The following TMTC2 variants were observed in gnomAD, a reference collection of about 807,000 sequenced individuals.
TMTC2 encodes the protein transmembrane O-mannosyltransferase targeting cadherins 2.
A neutral mutation model predicts 82.4 loss-of-function variants in TMTC2; 43 were observed. That is an observed-to-expected ratio of 0.52 (90% CI 0.41 to 0.67). The LOEUF (loss-of-function observed/expected upper bound fraction) is 0.67. TMTC2 is among the 30% of genes least tolerant of loss of function. The pLI, the probability that TMTC2 is intolerant of heterozygous loss-of-function variation, is 0.00. For missense variants in TMTC2, 919 were observed against 1,012.4 expected, an observed-to-expected ratio of 0.91 and a Z score of 1.25; for synonymous variants, 408 against 381.9, an observed-to-expected ratio of 1.07 and a Z score of -0.80.
Position 83,030,842 on chromosome 12 carries a change from G to A in TMTC2, c.2115G>A (p.Glu705=), listed in dbSNP as rs1048748406. The part of the protein sequence containing the change: ...EAEKLFLKAI[E]LDPTKGNCYM... ...AAAAGCTCTTCTTGAAGGCTATTGA[G>A]CTGGATCCCACCAAAGGAAACTGTT... is the stretch of plus-strand genomic sequence containing the variant. Residue 705 remains glutamate, a synonymous_variant, in exon 9 of 12, where the codon GAG becomes GAA. Transcript: ENST00000321196. 1.2e-6 allele frequency: 2 copies of A among 1,613,710 alleles called. No individual in the cohort carries two copies. Among genetic ancestry groups the A allele is most frequent in the Admixed American group, 1.7e-5 (1 of 60,008 alleles).
In TMTC2 at chr12:83,100,896, C is replaced by A. The variant is rs1884195685; in HGVS notation, c.2332-31314C>A. The stretch of plus-strand genomic sequence containing the variant: ...AGCTTCTTTCAGAAAGTAAGCATGG[C>A]ACTAACAACACATCCTAAATGCTTC... On this transcript the variant is annotated intron_variant, in intron 11 of 11. Coordinates refer to ENST00000321196, the MANE Select transcript of TMTC2 (RefSeq NM_152588.3). 2.0e-5 allele frequency among the ~76,000 whole-genome samples: 3 copies of A among 152,138 alleles called. 1 individual carries two copies. The highest frequency in any genetic ancestry group is 4.1e-4 in the South Asian group (2 of 4,832).
intron 4 of TMTC2, among the ~76,000 whole-genome samples, chr12:82,962,392 G>A (rs2137297560): frequency 6.6e-6 from 1 of 152,052 alleles, no homozygotes; most frequent in South Asian, 2.1e-4. Context: ...AGATAAAAAG[G>A]GCTCTGACAG....
chr12:83,048,347 A>G (rs1426976035), intron 9 of TMTC2, among the ~76,000 whole-genome samples: 1 of 152,198 alleles, frequency 6.6e-6, no homozygotes, highest in African/African-American at 2.4e-5. Context: ...GAGTTAGCAT[A>G]TACAAGTATT....
intron 9 of TMTC2, among the ~76,000 whole-genome samples, chr12:83,047,365 A>G (rs539997729): frequency 1.3e-5 from 2 of 152,304 alleles, no homozygotes; most frequent in South Asian, 4.1e-4. Context: ...GTACAAACAC[A>G]AGTTCTATGT....
chr12:82,951,302 T>TC (rs1193256968), intron 4 of TMTC2, among the ~76,000 whole-genome samples: 1 of 151,544 alleles, frequency 6.6e-6, no homozygotes, highest in Non-Finnish European at 1.5e-5. Context: ...AATTTAACTT[T>TC]TTTTTTTGAA....
intron 11 of TMTC2, among the ~76,000 whole-genome samples, chr12:83,077,032 A>C (rs1274742721): frequency 6.6e-6 from 1 of 152,222 alleles, no homozygotes; most frequent in African/African-American, 2.4e-5. Context: ...AGATTTTATT[A>C]AAGACTGTTA....
At chr12:82,918,629 T>G (rs990985905) in intron 3 of TMTC2, among the ~76,000 whole-genome samples, 2 of 152,214 alleles carry the variant, frequency 1.3e-5, no homozygotes, top group African/African-American at 4.8e-5. Context: ...GAGGAGTGAT[T>G]ACTTATGCAG....
intron 1 of TMTC2, among the ~76,000 whole-genome samples, chr12:82,760,719 C>T (rs1876578829): frequency 6.6e-6 from 1 of 152,032 alleles, no homozygotes; most frequent in African/African-American, 2.4e-5. Flanking sequence ...GGTATTGCCC[C>T]CTGAGCTCCA....
At chr12:82,876,097 A>ATTG (rs566928741) in intron 2 of TMTC2, among the ~76,000 whole-genome samples, 4 of 113,294 alleles carry the variant, frequency 3.5e-5, no homozygotes, top group African/African-American at 1.6e-4. Context: ...AGTATTCATA[A>ATTG]TGGTGGTGGT....
At chr12:83,046,550 C>G (rs1447662350) in intron 9 of TMTC2, among the ~76,000 whole-genome samples, 1 of 152,116 alleles carries the variant, frequency 6.6e-6, no homozygotes, top group Non-Finnish European at 1.5e-5. Flanking sequence ...CTCCAAAGTG[C>G]CTGCCGTAAT....
chr12:82,979,051 T>A (rs931475818), intron 7 of TMTC2, among the ~76,000 whole-genome samples: 1 of 151,880 alleles, frequency 6.6e-6, no homozygotes. Context: ...TTTCCATCCC[T>A]TTATTTTCAG....
rs796173423 is a variant in TMTC2, at chr12:82,729,359, T to G, written c.83+41690T>G. On this transcript the variant is annotated intron_variant, in intron 1 of 11. Coordinates refer to ENST00000321196, the MANE Select transcript of TMTC2 (RefSeq NM_152588.3). ...TGTATCTAGCTACTCTGGTGGGGAC[T>G]TGGAGAACCTTTATGTCTAGCTAAG... Among the ~76,000 whole-genome samples, 8 of 152,274 alleles carry G rather than the reference T, an allele frequency of 5.3e-5. 1 individual carries two copies. Among genetic ancestry groups the G allele is most frequent in the African/African-American group, 1.9e-4 (8 of 41,562 alleles).
intron 4 of TMTC2, among the ~76,000 whole-genome samples, chr12:82,953,313 C>T (rs1877445043): frequency 1.3e-5 from 2 of 152,156 alleles, no homozygotes; most frequent in Admixed American, 1.3e-4. Context: ...TTACTTAATT[C>T]CTAAGCTCTT....
chr12:83,096,497 A>G (rs1179174597), intron 11 of TMTC2, among the ~76,000 whole-genome samples: 1 of 152,210 alleles, frequency 6.6e-6, no homozygotes, highest in African/African-American at 2.4e-5. Context: ...ATGGACAGTT[A>G]ATTTGGACAG....
intron 1 of TMTC2, among the ~76,000 whole-genome samples, chr12:82,750,849 A>G (rs1169086711): frequency 1.3e-5 from 2 of 152,110 alleles, no homozygotes; most frequent in Admixed American, 6.5e-5. Context: ...CTATTGCAGG[A>G]TAGGTGCTTA....
At chr12:82,727,945 C>T (rs745521606) in intron 1 of TMTC2, among the ~76,000 whole-genome samples, 1 of 151,786 alleles carries the variant, frequency 6.6e-6, no homozygotes, top group Non-Finnish European at 1.5e-5. Context: ...ATTTTGGTGT[C>T]TCCTTTTAAC....
chr12:83,067,012 C>CA (rs1254343061), intron 11 of TMTC2, among the ~76,000 whole-genome samples: 3 of 151,800 alleles, frequency 2.0e-5, no homozygotes, highest in African/African-American at 7.3e-5. Flanking sequence ...AATTGGGTAA[C>CA]ATCAACAATG....
chr12:82,864,878 G>A (rs1464449757), intron 2 of TMTC2, among the ~76,000 whole-genome samples: 2 of 151,106 alleles, frequency 1.3e-5, no homozygotes, highest in African/African-American at 2.4e-5. Context: ...AATAATATTT[G>A]GCATATTATT....
chr12:82,863,005 C>T (rs944595440), intron 2 of TMTC2, among the ~76,000 whole-genome samples: 7 of 152,096 alleles, frequency 4.6e-5, no homozygotes, highest in African/African-American at 1.7e-4. Flanking sequence ...GAAGAGCATG[C>T]GAATAGAGAT....
Sources: allele counts gnomAD v4.1 joint callset (sites outside exome capture counted in the v4.1 genomes callset), GRCh38; gene constraint gnomAD v4.1.1; transcripts MANE v1.5; gene names NCBI Gene and HGNC (gene_info 2026-07-23, HGNC 2026-07-21).